Variants in MALRD1 observed in about 807,000 individuals in gnomAD.
MALRD1 encodes the protein MAM and LDL-receptor class A domain-containing protein 1.
A neutral mutation model predicts 242.1 loss-of-function variants in MALRD1; 247 were observed. The ratio of observed to expected loss-of-function variants is 1.02; its 90% CI spans 0.92 to 1.13. The LOEUF (loss-of-function observed/expected upper bound fraction) is 1.13. MALRD1 is among the 50% of genes most tolerant of loss of function. MALRD1 has a pLI of 0.00. For synonymous variants in MALRD1, 995 were observed against 866.6 expected (o/e 1.15, Z -2.60); for missense variants, 2,989 against 2,533.1 (o/e 1.18, Z -3.86).
At chr10:19,120,103 G>A (rs961996834) in intron 5 of MALRD1, among the ~76,000 whole-genome samples, 2 of 152,126 alleles carry the variant, frequency 1.3e-5, no homozygotes, top group Non-Finnish European at 2.9e-5. Flanking sequence ...GGGTTTAATA[G>A]CATGTGACTA....
chr10:19,062,937 GAAGTTC>G (rs1215268163), intron 1 of MALRD1, among the ~76,000 whole-genome samples: 6 of 152,116 alleles, frequency 3.9e-5, no homozygotes, highest in Non-Finnish European at 8.8e-5. Flanking sequence ...CTTGAACCCA[GAAGTTC>G]AAGATTAGCC....
At chr10:19,530,426 TATAATA>T (rs199611895) in intron 31 of MALRD1, among the ~76,000 whole-genome samples, 9,838 of 37,080 alleles carry the variant, frequency 0.27, 1,880 homozygotes, top group Non-Finnish European at 0.38. Context: ...ATAATAAATA[TATAATA>T]TATATAATAT....
intron 26 of MALRD1, among the ~76,000 whole-genome samples, chr10:19,364,728 A>G (rs1845037687): frequency 1.3e-5 from 2 of 152,148 alleles, no homozygotes; most frequent in Admixed American, 6.6e-5. Flanking sequence ...TACATATCCC[A>G]ATGAACTGAA....
intron 1 of MALRD1, among the ~76,000 whole-genome samples, chr10:19,066,359 G>T (rs1371817760): frequency 6.6e-6 from 1 of 152,166 alleles, no homozygotes; most frequent in Non-Finnish European, 1.5e-5. Context: ...TTGCTTGAGA[G>T]ACACAGGACA....
At chr10:19,180,011 T>C (rs1398734922) in intron 14 of MALRD1, among the ~76,000 whole-genome samples, 1 of 152,186 alleles carries the variant, frequency 6.6e-6, no homozygotes, top group African/African-American at 2.4e-5. Flanking sequence ...TGTCTGTTGG[T>C]GGATAAGCTT....
chr10:19,499,366 C>T (rs1589160347), intron 31 of MALRD1, among the ~76,000 whole-genome samples: 1 of 150,388 alleles, frequency 6.6e-6, no homozygotes, highest in Admixed American at 6.7e-5. Context: ...ATGAGATCAA[C>T]ATTTAAATTG....
chr10:19,585,578 T>A (rs1366733794), intron 33 of MALRD1, among the ~76,000 whole-genome samples: 1 of 152,144 alleles, frequency 6.6e-6, no homozygotes, highest in Non-Finnish European at 1.5e-5. Flanking sequence ...GCTTGTAGAG[T>A]TTCTGCTGAG....
chr10:19,677,802 T>C (rs1842197069), intron 36 of MALRD1, among the ~76,000 whole-genome samples: 1 of 152,222 alleles, frequency 6.6e-6, no homozygotes, highest in Non-Finnish European at 1.5e-5. Context: ...TAGTTTTGGG[T>C]TTTACATTTA....
At chr10:19,125,691 A>G (rs1017096397) in intron 7 of MALRD1, among the ~76,000 whole-genome samples, 1 of 151,912 alleles carries the variant, frequency 6.6e-6, no homozygotes, top group Non-Finnish European at 1.5e-5. Flanking sequence ...AACAAAACCT[A>G]AAGTGCTCTA....
chr10:19,707,082 C>G (rs1239384641), intron 38 of MALRD1, among the ~76,000 whole-genome samples: 1 of 150,304 alleles, frequency 6.7e-6, no homozygotes, highest in African/African-American at 2.5e-5. Context: ...CTTCTCCCTT[C>G]TCCTCCTCCT....
Position 19,387,554 on chromosome 10 carries a change from T to C in MALRD1, c.4468T>C (p.Cys1490Arg). The C allele has an allele frequency of 6.4e-7, 1 of 1,550,454 alleles. No individual in the cohort carries two copies. The highest frequency in any genetic ancestry group is 1.2e-5 in the South Asian group (1 of 84,056). Reference protein sequence around the residue: ...TGFCPLGYRECHNGKCYRLEQ... With the variant: ...TGFCPLGYRERHNGKCYRLEQ... ...TTTCTGCCCACTTGGCTATAGGGAA[T>C]GTCATAATGGAAAATGCTATAGGCT... Residue 1490 changes from cysteine to arginine, a missense_variant, in exon 27 of 40, where the codon TGT becomes CGT. Physicochemically the swap from Cys to Arg is radical, Grantham distance 180. Coordinates refer to ENST00000454679, the MANE Select transcript of MALRD1 (RefSeq NM_001142308.3).
chr10:19,607,217 TAGTC>T (rs1838681277), intron 34 of MALRD1, among the ~76,000 whole-genome samples: 1 of 152,182 alleles, frequency 6.6e-6, no homozygotes, highest in African/African-American at 2.4e-5. Flanking sequence ...ATGCATGTAT[TAGTC>T]AGCACAGGCT....
intron 31 of MALRD1, among the ~76,000 whole-genome samples, chr10:19,516,471 C>G (rs1833630984): frequency 1.3e-5 from 2 of 152,046 alleles, no homozygotes; most frequent in African/African-American, 4.8e-5. Context: ...TAATATGAAA[C>G]TCACTAATTT....
rs1491154084 is a variant in MALRD1 at position 19,683,144 on chromosome 10, AAG to A, written c.6138-9136_6138-9135del. On this transcript the variant is annotated intron_variant, in intron 36 of 39. Transcript: ENST00000454679. ...ACCCCATCTCTACCGGAAAAAAAAA[AAG>A]AAAGAAGTTTTCAAAATGGCAGAAT... Among the ~76,000 whole-genome samples the A allele has an allele frequency of 8.6e-5, 13 of 151,920 alleles. 1 individual carries two copies. The East Asian group carries it at 2.3e-3, about 27-fold the overall frequency.
In MALRD1 at chr10:19,124,575, C is replaced by T. The variant is rs987285172; in HGVS notation, c.848C>T (p.Ala283Val). 3.2e-6 allele frequency: 4 copies of T among 1,233,684 alleles called. No individual in the cohort carries two copies. The Admixed American group carries it at 1.3e-4, about 39-fold the overall frequency. The allele number at this position is 1,233,684 out of a possible 1,614,324, so 76.4% of individuals were successfully genotyped here. A position where few individuals can be genotyped will look rare whatever the true frequency, so the allele number is the denominator to read the frequency against. The change falls in exon 7 of 40, where the codon GCA (alanine) becomes GTA (valine). Residue 283 changes from alanine to valine, a missense_variant. Physicochemically the swap from Ala to Val is moderately conservative, Grantham distance 64. Coordinates refer to ENST00000454679, the MANE Select transcript of MALRD1 (RefSeq NM_001142308.3). ...GACATGTGTGAGTGGACGTCAGAAG[C>T]ATCTGCTGGCCAAATTTCCTGGATG... is the stretch of plus-strand genomic sequence containing the variant. The part of the protein sequence containing the change: ...EFDMCEWTSE[A>V]SAGQISWMRT...
intron 5 of MALRD1, among the ~76,000 whole-genome samples, chr10:19,111,437 G>C (rs911315926): frequency 1.3e-5 from 2 of 152,176 alleles, no homozygotes; most frequent in African/African-American, 2.4e-5. Flanking sequence ...AGCCTTTCAC[G>C]TGAATATGAC....
intron 38 of MALRD1, among the ~76,000 whole-genome samples, chr10:19,702,883 G>A (rs559333324): frequency 7.2e-5 from 11 of 152,264 alleles, no homozygotes; most frequent in East Asian, 1.9e-4. Flanking sequence ...AATCTGTGGC[G>A]TAAGAGGACT....
intron 36 of MALRD1, among the ~76,000 whole-genome samples, chr10:19,687,724 A>G (rs988962905): frequency 2.0e-5 from 3 of 152,228 alleles, no homozygotes; most frequent in Admixed American, 6.5e-5. Flanking sequence ...AAGTTGGTAC[A>G]AAACTAATTT....
At chr10:19,344,972 T>C (rs1844045007) in intron 24 of MALRD1, among the ~76,000 whole-genome samples, 3 of 152,124 alleles carry the variant, frequency 2.0e-5, no homozygotes, top group Non-Finnish European at 4.4e-5. Flanking sequence ...GTGTCTGATA[T>C]TGGCATTAAT....
Sources: allele counts gnomAD v4.1 joint callset (sites outside exome capture counted in the v4.1 genomes callset), GRCh38; gene constraint gnomAD v4.1.1; transcripts MANE v1.5; gene names NCBI Gene and HGNC (gene_info 2026-07-23, HGNC 2026-07-21).